Variants in FAM184B observed in about 807,000 individuals in gnomAD.
FAM184B encodes family with sequence similarity 184 member B.
Under a neutral mutation model 135.9 loss-of-function variants are expected in FAM184B, and 111 were observed. The ratio of observed to expected loss-of-function variants is 0.82; its 90% CI spans 0.70 to 0.96. The LOEUF is 0.96. Ranked by LOEUF, FAM184B falls within the 40% of genes least tolerant of loss-of-function variation. FAM184B has a pLI of 0.00. For synonymous variants in FAM184B, 552 were observed against 524.8 expected, an observed-to-expected ratio of 1.05 and a Z score of -0.71; for missense variants, 1,375 against 1,323.9, an observed-to-expected ratio of 1.04 and a Z score of -0.60.
At chr4:17,734,083 G>T (rs370995466) in intron 1 of FAM184B, among the ~76,000 whole-genome samples, 3 of 152,156 alleles carry the variant, frequency 2.0e-5, no homozygotes, top group African/African-American at 7.2e-5. Context: ...AATGGGGAAA[G>T]GATTCCCTAT....
chr4:17,632,552 T>TTA lies in FAM184B; in HGVS notation c.3162_3163insTA (p.Thr1055Ter). 6.4e-7 allele frequency: 1 copy of TTA among 1,551,390 alleles called. No homozygotes were observed. The highest frequency in any genetic ancestry group is 8.7e-7 in the Non-Finnish European group (1 of 1,146,736). ...TTAGCTTAGAAAGAAAAGTACTTGG[T>TTA]GAACCATTCCTGGTGCGGAGAGCCC... On this transcript the variant is annotated frameshift_variant, in exon 18 of 18. Coordinates refer to ENST00000265018, the MANE Select transcript of FAM184B (RefSeq NM_015688.2). LOFTEE classifies it high-confidence loss of function.
Position 17,636,575 on chromosome 4 carries a change from G to A in FAM184B, c.2737C>T (p.Leu913=). ...TCTCTCTCCTTCAGGCGGGTCTGCA[G>A]GCGGCCAATGAGCTGAAGGTCCTCG... ...RPEDLQLIGR[L]QTRLKEREDI... The change falls in exon 15 of 18, where the codon CTG becomes TTG. Residue 913 remains leucine, a synonymous_variant. Coordinates refer to ENST00000265018, the MANE Select transcript of FAM184B (RefSeq NM_015688.2). 1 of 1,551,222 alleles carries A rather than the reference G, an allele frequency of 6.4e-7. No homozygotes were observed. Among genetic ancestry groups the A allele is most frequent in the Non-Finnish European group, 8.7e-7 (1 of 1,146,954 alleles).
chr4:17,671,003 T>C (rs1290159742), intron 7 of FAM184B, among the ~76,000 whole-genome samples: 1 of 152,086 alleles, frequency 6.6e-6, no homozygotes, highest in African/African-American at 2.4e-5. Flanking sequence ...AGCAACATGG[T>C]AGAAGGAAGT....
At chr4:17,757,915 T>C (rs745316612) in intron 1 of FAM184B, among the ~76,000 whole-genome samples, 1 of 152,120 alleles carries the variant, frequency 6.6e-6, no homozygotes, top group Non-Finnish European at 1.5e-5. Flanking sequence ...AGATAATCAA[T>C]AGTGTCTGCT....
chr4:17,667,455 T>C lies in FAM184B; in HGVS notation c.1597-2796A>G, dbSNP rs772751973. ...CACGTTCTGTTTAAATCATTTGCAT[T>C]GCCTCTAAATGTAGCAGAATACCAT... On this transcript the variant is annotated intron_variant, in intron 7 of 17. Coordinates refer to ENST00000265018, the MANE Select transcript of FAM184B (RefSeq NM_015688.2). Among the ~76,000 whole-genome samples, 8 of 152,312 alleles carry C rather than the reference T, an allele frequency of 5.3e-5. No homozygotes were observed. In the South Asian group the frequency reaches 8.3e-4, roughly 16 times the overall value.
At chr4:17,720,287 T>C (rs909591721) in intron 1 of FAM184B, among the ~76,000 whole-genome samples, 3 of 152,204 alleles carry the variant, frequency 2.0e-5, no homozygotes, top group African/African-American at 7.2e-5. Flanking sequence ...GATTTTTCCT[T>C]TTAATACCTG....
intron 1 of FAM184B, among the ~76,000 whole-genome samples, chr4:17,729,595 T>C (rs1717727335): frequency 2.0e-5 from 3 of 152,208 alleles, no homozygotes; most frequent in Admixed American, 2.0e-4. Context: ...TTCACCAAGA[T>C]CTGCTGTTCT....
intron 1 of FAM184B, among the ~76,000 whole-genome samples, chr4:17,734,392 G>C (rs1295836469): frequency 6.6e-6 from 1 of 151,990 alleles, no homozygotes; most frequent in Non-Finnish European, 1.5e-5. Flanking sequence ...GAGTGAACAG[G>C]CAACCTACAA....
chr4:17,686,964 G>C (rs1716603815), intron 7 of FAM184B, among the ~76,000 whole-genome samples: 1 of 152,188 alleles, frequency 6.6e-6, no homozygotes, highest in African/African-American at 2.4e-5. Flanking sequence ...CTCCAGTGAA[G>C]TCAAAGATGA....
chr4:17,662,980 G>A (rs765065797), intron 8 of FAM184B, among the ~76,000 whole-genome samples: 7 of 152,166 alleles, frequency 4.6e-5, no homozygotes, highest in Non-Finnish European at 1.0e-4. Context: ...CTGTTGTCCA[G>A]GCTGGAGTAC....
chr4:17,694,020 C>T (rs548235865), intron 5 of FAM184B, among the ~76,000 whole-genome samples: 35 of 152,298 alleles, frequency 2.3e-4, no homozygotes, highest in African/African-American at 8.4e-4. Context: ...CATGGTCCCT[C>T]ACCACAGCCC....
chr4:17,765,937 A>T, intron 1 of FAM184B, among the ~76,000 whole-genome samples: 1 of 152,250 alleles, frequency 6.6e-6, no homozygotes. Flanking sequence ...AAAGCAGCAC[A>T]TCTAGAATTA....
At chr4:17,647,253 T>C (rs1483583789) in intron 12 of FAM184B, among the ~76,000 whole-genome samples, 1 of 14,366 alleles carries the variant, frequency 7.0e-5, no homozygotes. Context: ...AGCCCATCCC[T>C]TTTTTTTTTT....
Position 17,781,281 on chromosome 4 carries a change from T to C in FAM184B, c.19A>G (p.Ser7Gly). The C allele has an allele frequency of 6.5e-7, 1 of 1,548,282 alleles. No individual in the cohort carries two copies. The highest frequency in any genetic ancestry group is 8.7e-7 in the Non-Finnish European group (1 of 1,145,078). The change falls in exon 1 of 18, where the codon AGC (serine) becomes GGC (glycine). Residue 7 changes from serine (S) to glycine (G), a missense_variant. Physicochemically the swap from Ser to Gly is moderately conservative, Grantham distance 56. Coordinates refer to ENST00000265018, the MANE Select transcript of FAM184B (RefSeq NM_015688.2). This position sits in a 1 kb window ranked among gnomAD's most constrained non-coding sequence, Gnocchi z 6.5. ...CAAGTGCCGGGCGGGTTAATTTTGC[T>C]GTTGAGAGCAGAAGCCATCGCTAAA... MASALN[S>G]KINPPGTCQG...
At chr4:17,729,360 C>A (rs527783286) in intron 1 of FAM184B, among the ~76,000 whole-genome samples, 2 of 152,346 alleles carry the variant, frequency 1.3e-5, no homozygotes, top group South Asian at 2.1e-4. Flanking sequence ...GTAACCTCTG[C>A]AGACTTAAAT....
chr4:17,676,510 A>G (rs1227778616), intron 7 of FAM184B, among the ~76,000 whole-genome samples: 1 of 152,264 alleles, frequency 6.6e-6, no homozygotes, highest in South Asian at 2.1e-4. Context: ...ATATTTTTAT[A>G]GATAATGCTA....
chr4:17,684,166 TATAAA>T lies in FAM184B; in HGVS notation c.1596+4253_1596+4257del, dbSNP rs1262788556. ...AAAATAATTATATAATAAAATATAA[TATAAA>T]ATAAAATAATTATATATAAAATAGT... On this transcript the variant is annotated intron_variant, in intron 7 of 17. Transcript: ENST00000265018. Among the ~76,000 whole-genome samples the T allele has an allele frequency of 4.3e-3, 635 of 146,304 alleles. 11 individuals carry two copies. The highest frequency in any genetic ancestry group is 0.015 in the African/African-American group (598 of 40,558).
intron 13 of FAM184B, among the ~76,000 whole-genome samples, chr4:17,640,101 G>A (rs1470514949): frequency 3.0e-5 from 3 of 101,450 alleles, no homozygotes; most frequent in Non-Finnish European, 7.2e-5. Context: ...CAAAGTGCTG[G>A]GATTACACGC....
chr4:17,642,326 G>A (rs1230681650), intron 12 of FAM184B, 98 bp from the exon 13 acceptor site: 2 of 1,377,560 alleles, frequency 1.5e-6, no homozygotes, highest in Non-Finnish European at 1.9e-6. Flanking sequence ...AGACCCACTG[G>A]CACCCCGCCC....
Sources: gnomAD v4.1 joint callset for allele counts (sites outside exome capture counted in the v4.1 genomes callset) on GRCh38, gnomAD v4.1.1 for gene constraint, Gnocchi (gnomAD v3.1) non-coding constraint, MANE v1.5 for transcripts, NCBI Gene and HGNC (gene_info 2026-07-23, HGNC 2026-07-21) for gene names.